The following LYPD6 variants were observed in gnomAD, a reference collection of about 807,000 sequenced individuals.
LYPD6 encodes LY6/PLAUR domain containing 6, also known as ly6/PLAUR domain-containing protein 6.
LYPD6 carries 15 observed loss-of-function variants against 22.7 expected under a neutral mutation model. The ratio of observed to expected loss-of-function variants is 0.66; its 90% CI spans 0.44 to 1.02. The LOEUF (loss-of-function observed/expected upper bound fraction) is 1.02. Among genes scored for constraint, LYPD6 ranks in the 50% least tolerant of loss-of-function variants. The pLI is 0.00. For missense variants in LYPD6, 189 were observed against 208.4 expected (o/e 0.91, Z 0.57); for synonymous variants, 72 against 77.5 (o/e 0.93, Z 0.37).
intron 1 of LYPD6, among the ~76,000 whole-genome samples, chr2:149,398,659 G>A (rs1682482713): frequency 6.6e-6 from 1 of 152,028 alleles, no homozygotes; most frequent in Non-Finnish European, 1.5e-5. Flanking sequence ...CCTCTCATGG[G>A]GTTGTTGCTG....
intron 1 of LYPD6, among the ~76,000 whole-genome samples, chr2:149,342,709 G>A (rs902709674): frequency 1.3e-5 from 2 of 152,112 alleles, no homozygotes; most frequent in African/African-American, 4.8e-5. Flanking sequence ...AATCTCTAAC[G>A]GCCAGTGTTC....
chr2:149,486,146 G>A, the LYPD6 span, among the ~76,000 whole-genome samples: 1 of 152,020 alleles, frequency 6.6e-6, no homozygotes, highest in Non-Finnish European at 1.5e-5. Context: ...TTTTTTAAAA[G>A]TCTTAATTTC....
At chr2:149,374,133 T>C (rs1268328275) in intron 1 of LYPD6, among the ~76,000 whole-genome samples, 1 of 152,198 alleles carries the variant, frequency 6.6e-6, no homozygotes, top group Non-Finnish European at 1.5e-5. Context: ...ATGGCCAGCA[T>C]CTTTTCTTAA....
At chr2:149,480,495 C>G in the LYPD6 span, among the ~76,000 whole-genome samples, 1 of 148,108 alleles carries the variant, frequency 6.8e-6, no homozygotes, top group East Asian at 2.0e-4. Context: ...CAAATTAGAT[C>G]AAGTCCCCTT....
chr2:149,485,146 G>A, the LYPD6 span, among the ~76,000 whole-genome samples: 1 of 152,144 alleles, frequency 6.6e-6, no homozygotes, highest in Non-Finnish European at 1.5e-5. Context: ...TCATAGTTAA[G>A]GGCCAGAGAG....
Position 149,472,624 on chromosome 2 carries a change from G to A in LYPD6, c.*1774G>A, listed in dbSNP as rs1681368063. On this transcript the variant is annotated 3_prime_UTR_variant, in exon 5 of 5. Coordinates refer to ENST00000334166, the MANE Select transcript of LYPD6 (RefSeq NM_194317.5). ...TCAGTATGTTGCTTTTAATTGGGGT[G>A]GGAAAGTAGAGGGAGAGAAAGCAAG... 4.6e-5 allele frequency: 7 copies of A among 152,712 alleles called. No individual in the cohort carries two copies. Among genetic ancestry groups the A allele is most frequent in the Admixed American group, 4.6e-4 (7 of 15,288 alleles). The allele number at this position is 152,712 out of a possible 1,614,324, so 9.5% of individuals were successfully genotyped here. A position where few individuals can be genotyped will look rare whatever the true frequency, so the allele number is the denominator to read the frequency against.
At position 149,472,720 on chromosome 2, in the gene LYPD6, G is replaced by T. The variant is rs1681370441; in HGVS notation, c.*1870G>T. Reference sequence around the variant, plus strand: ...TTTACATAAGTTAGGATTAATCCCTGCAAGAATCCTATAAAGAATGTTACT... The same window carrying T: ...TTTACATAAGTTAGGATTAATCCCTTCAAGAATCCTATAAAGAATGTTACT... On this transcript the variant is annotated 3_prime_UTR_variant, in exon 5 of 5. Transcript: ENST00000334166. The T allele has an allele frequency of 6.6e-6, 1 of 152,586 alleles. No homozygotes were observed. The highest frequency in any genetic ancestry group is 6.5e-5 in the Admixed American group (1 of 15,280). The allele number at this position is 152,586 out of a possible 1,614,324, so 9.5% of individuals were successfully genotyped here.
downstream of LYPD6, among the ~76,000 whole-genome samples, chr2:149,475,319 A>AT (rs902575593): frequency 6.6e-6 from 1 of 152,122 alleles, no homozygotes; most frequent in African/African-American, 2.4e-5. Flanking sequence ...AGATTCAGAT[A>AT]TTTTTCTAAG....
At position 149,404,705 on chromosome 2, in the gene LYPD6, C is replaced by T. The variant is rs562196536; in HGVS notation, c.-71-32933C>T. The stretch of plus-strand genomic sequence containing the variant: ...CAGGGACAATTTGACTTCCTCTTTT[C>T]GTATTTGAATACCCTTTATTTCCTT... On this transcript the variant is annotated intron_variant, in intron 1 of 4. Coordinates refer to ENST00000334166, the MANE Select transcript of LYPD6 (RefSeq NM_194317.5). 9.8e-4 allele frequency among the ~76,000 whole-genome samples: 149 copies of T among 152,262 alleles called. 4 individuals carry two copies. In the South Asian group the frequency reaches 0.029, roughly 30 times the overall value.
chr2:149,353,846 C>A (rs1464593878), intron 1 of LYPD6, among the ~76,000 whole-genome samples: 1 of 151,938 alleles, frequency 6.6e-6, no homozygotes. Context: ...TAAATCAAAT[C>A]TTTCTGGCAC....
chr2:149,471,695 T>C lies in LYPD6; in HGVS notation c.*845T>C, dbSNP rs1681337960. The C allele has an allele frequency of 6.6e-6, 1 of 152,520 alleles. No individual in the cohort carries two copies. The highest frequency in any genetic ancestry group is 6.6e-5 in the Admixed American group (1 of 15,260). The allele number at this position is 152,520 out of a possible 1,614,324, so 9.4% of individuals were successfully genotyped here. A position where few individuals can be genotyped will look rare whatever the true frequency, so the allele number is the denominator to read the frequency against. ...GGAGTTGTTTTCCCCAGATATGGGG[T>C]TCTATTCAGCCATAGATAATCTAGA... On this transcript the variant is annotated 3_prime_UTR_variant, in exon 5 of 5. Transcript: ENST00000334166.
intron 1 of LYPD6, among the ~76,000 whole-genome samples, chr2:149,403,578 G>A (rs1305974923): frequency 3.5e-4 from 45 of 129,968 alleles, no homozygotes; most frequent in African/African-American, 6.1e-4. Flanking sequence ...TGATGGGGTT[G>A]TTTGTTTTTT....
intron 3 of LYPD6, among the ~76,000 whole-genome samples, chr2:149,468,094 T>G (rs1665607241): frequency 6.7e-6 from 1 of 149,542 alleles, no homozygotes; most frequent in Non-Finnish European, 1.5e-5. Flanking sequence ...GCACAAAGTT[T>G]TAAATTGTTC....
rs530498136 is a variant in LYPD6, at chr2:149,357,785, CTT to C, written c.-72+27080_-72+27081del. On this transcript the variant is annotated intron_variant, in intron 1 of 4. Transcript: ENST00000334166. ...TACATTTCTTTCTTTCTTTTCTTTG[CTT>C]TTTTTTTTTTTTTTTTAAGACAGAA... is the stretch of plus-strand genomic sequence containing the variant. 9.9e-3 allele frequency among the ~76,000 whole-genome samples: 1,256 copies of C among 127,298 alleles called. 19 individuals carry two copies. Among genetic ancestry groups the C allele is most frequent in the African/African-American group, 0.033 (1,173 of 35,664 alleles). The allele number at this position is 127,298 out of a possible 152,430, so 83.5% of individuals were successfully genotyped here.
intron 1 of LYPD6, among the ~76,000 whole-genome samples, chr2:149,344,910 A>G (rs767271537): frequency 9.2e-5 from 14 of 152,184 alleles, no homozygotes; most frequent in Non-Finnish European, 2.1e-4. Context: ...AGAGGCAGGC[A>G]TAGTGTCTTG....
At chr2:149,445,291 A>T (rs976648744) in intron 2 of LYPD6, among the ~76,000 whole-genome samples, 3 of 152,258 alleles carry the variant, frequency 2.0e-5, no homozygotes, top group Non-Finnish European at 4.4e-5. Context: ...TAGACTTAAC[A>T]TAATTTTTAA....
chr2:149,406,430 A>G (rs1413112009), intron 1 of LYPD6, among the ~76,000 whole-genome samples: 1 of 151,516 alleles, frequency 6.6e-6, no homozygotes, highest in Non-Finnish European at 1.5e-5. Context: ...TATTGGGTGC[A>G]TATATATTTA....
intron 1 of LYPD6, among the ~76,000 whole-genome samples, chr2:149,376,031 T>C (rs1447849941): frequency 6.6e-6 from 1 of 152,188 alleles, no homozygotes; most frequent in Admixed American, 6.5e-5. Flanking sequence ...TGAACGCACC[T>C]AAACAAATGT....
rs148317874 is a variant in LYPD6 at position 149,441,449 on chromosome 2, A to G, written c.118+3623A>G. Reference sequence around the variant, plus strand: ...GATGCCCAGAACAGCCATCACTGATAATAACTGGGGAGAGATTGGAACACC... The same window carrying G: ...GATGCCCAGAACAGCCATCACTGATGATAACTGGGGAGAGATTGGAACACC... On this transcript the variant is annotated intron_variant, in intron 2 of 4. Transcript: ENST00000334166. Among the ~76,000 whole-genome samples the G allele has an allele frequency of 8.9e-3, 1,350 of 152,308 alleles. 15 individuals are homozygous for G. The highest frequency in any genetic ancestry group is 0.031 in the African/African-American group (1,295 of 41,546).
Sources: gnomAD v4.1 joint callset for allele counts (sites outside exome capture counted in the v4.1 genomes callset) on GRCh38, gnomAD v4.1.1 for gene constraint, MANE v1.5 for transcripts, NCBI Gene and HGNC (gene_info 2026-07-23, HGNC 2026-07-21) for gene names.